ARF3: variants seen among roughly 807,000 people sequenced by gnomAD.
The protein encoded by ARF3 is ARF GTPase 3, also known as ADP-ribosylation factor 3.
In ARF3, 5 loss-of-function variants were observed where a neutral mutation model predicts 19.3. The observed-to-expected ratio is 0.26, with a 90% CI of 0.14 to 0.54. ARF3 has a LOEUF of 0.54. Among genes scored for constraint, ARF3 ranks in the 20% least tolerant of loss-of-function variants. ARF3 has a pLI of 0.95. For missense variants in ARF3, 77 were observed against 234.2 expected, an observed-to-expected ratio of 0.33 and a Z score of 4.38; for synonymous variants, 71 against 89.2, an observed-to-expected ratio of 0.80 and a Z score of 1.15.
At chr12:48,949,764 C>T (rs539482972) in intron 1 of ARF3, among the ~76,000 whole-genome samples, 16 of 152,038 alleles carry the variant, frequency 1.1e-4, no homozygotes, top group African/African-American at 3.4e-4. Flanking sequence ...AGGCTGGTCT[C>T]GAACTCCTGA....
At chr12:48,953,535 G>A (rs984081562) in intron 1 of ARF3, among the ~76,000 whole-genome samples, 3 of 152,086 alleles carry the variant, frequency 2.0e-5, no homozygotes, top group African/African-American at 4.8e-5. Flanking sequence ...GCTAATAAAG[G>A]AAGGATTATG....
At chr12:48,952,278 G>GC (rs1375194169) in intron 1 of ARF3, among the ~76,000 whole-genome samples, 1 of 152,108 alleles carries the variant, frequency 6.6e-6, no homozygotes, top group African/African-American at 2.4e-5. Flanking sequence ...GCCTGGGAAG[G>GC]GTCTGGCTTT....
rs376491978 is a variant in ARF3, at chr12:48,939,801, T to C, written c.260-22A>G. On this transcript the variant is annotated intron_variant, in intron 3 of 4. Coordinates refer to ENST00000256682, the MANE Select transcript of ARF3 (RefSeq NM_001659.3). The surrounding 1 kb of genome is among the most constrained non-coding windows in gnomAD (Gnocchi z 4.8). ...AACCCTAGGAAGGCAGAGCATGGGC[T>C]GCACTAAGATGACAGGTAACCCCCT... The C allele has an allele frequency of 4.3e-5, 69 of 1,613,424 alleles. No individual in the cohort carries two copies. The highest frequency in any genetic ancestry group is 5.2e-5 in the Non-Finnish European group (61 of 1,179,708).
chr12:48,951,640 A>C (rs1412672398), intron 1 of ARF3, among the ~76,000 whole-genome samples: 1 of 147,736 alleles, frequency 6.8e-6, no homozygotes. Context: ...AGCACATTGG[A>C]AGGCCAAGGC....
At chr12:48,949,119 A>G (rs1822829939) in intron 1 of ARF3, among the ~76,000 whole-genome samples, 1 of 152,264 alleles carries the variant, frequency 6.6e-6, no homozygotes, top group South Asian at 2.1e-4. Context: ...GAAGAGTAGA[A>G]TAATCAAAGA....
At chr12:48,956,960 AC>A (rs1165186816) in intron 1 of ARF3, 2 of 152,056 alleles carry the variant, frequency 1.3e-5, no homozygotes, top group Non-Finnish European at 2.9e-5. Flanking sequence ...AAAGATACAA[AC>A]AGCCATCACC....
chr12:48,939,063 C>A lies in ARF3; in HGVS notation c.430G>T (p.Gly144Cys). Residue 144 changes from glycine (G) to cysteine (C), a missense_variant, in exon 5 of 5, where the codon GGC (glycine) becomes TGC (cysteine). Physicochemically the swap from Gly to Cys is radical, Grantham distance 159. This residue lies in a region of ARF3 where 53 missense variants were observed against 121.2 expected (regional missense o/e 0.44). Coordinates refer to ENST00000256682, the MANE Select transcript of ARF3 (RefSeq NM_001659.3). This position sits in a 1 kb window ranked among gnomAD's most constrained non-coding sequence, Gnocchi z 4.8. ...MNAAEITDKLGLHSLRHRNWY... is the reference protein window; with the variant it reads ...MNAAEITDKLCLHSLRHRNWY... The stretch of plus-strand genomic sequence containing the variant: ...TTACGGTGACGAAGGGAATGCAGGC[C>A]CAGCTTGTCTGTGATCTCAGCAGCG... 1 of 1,614,062 alleles carries A rather than the reference C, an allele frequency of 6.2e-7. No individual in the cohort carries two copies. The highest frequency in any genetic ancestry group is 8.5e-7 in the Non-Finnish European group (1 of 1,180,020).
chr12:48,939,564 A>G lies in ARF3; in HGVS notation c.384+91T>C. On this transcript the variant is annotated intron_variant, in intron 4 of 4. Coordinates refer to ENST00000256682, the MANE Select transcript of ARF3 (RefSeq NM_001659.3). The surrounding 1 kb of genome is among the most constrained non-coding windows in gnomAD (Gnocchi z 4.8). ...ACGCTTCTAACATTGAGAGCATACT[A>G]AAAGGGTTAACCATATAATAGGCCC... The G allele has an allele frequency of 1.9e-6, 3 of 1,553,280 alleles. No homozygotes were observed. Among genetic ancestry groups the G allele is most frequent in the East Asian group, 4.5e-5 (2 of 44,270 alleles).
chr12:48,938,682 G>GA lies in ARF3; in HGVS notation c.*264_*265insT, dbSNP rs1940197771. 4.2e-6 allele frequency: 2 copies of GA among 481,376 alleles called. No homozygotes were observed. The allele number at this position is 481,376 out of a possible 1,614,324, so 29.8% of individuals were successfully genotyped here. On this transcript the variant is annotated 3_prime_UTR_variant, in exon 5 of 5. Coordinates refer to ENST00000256682, the MANE Select transcript of ARF3 (RefSeq NM_001659.3). The stretch of plus-strand genomic sequence containing the variant: ...AACCCAGAGGGTGAGAGAGAGAGGG[G>GA]CCACCCCATGAAACCGTAACAACTT...
At chr12:48,954,294 C>T (rs1821911499) in intron 1 of ARF3, among the ~76,000 whole-genome samples, 1 of 152,180 alleles carries the variant, frequency 6.6e-6, no homozygotes, top group Non-Finnish European at 1.5e-5. Context: ...TGCTCATAAG[C>T]CTACGACCAG....
chr12:48,951,823 G>A (rs1393587720), intron 1 of ARF3, among the ~76,000 whole-genome samples: 2 of 151,632 alleles, frequency 1.3e-5, no homozygotes, highest in Non-Finnish European at 2.9e-5. Flanking sequence ...AGGCTGCTGT[G>A]AGCCAAGATC....
chr12:48,943,052 A>G (rs2137581452), intron 1 of ARF3, among the ~76,000 whole-genome samples: 1 of 152,360 alleles, frequency 6.6e-6, no homozygotes, highest in East Asian at 1.9e-4. Context: ...GGTTGCAGTG[A>G]GCCGAGATCA....
At chr12:48,955,316 T>A (rs1940543424) in intron 1 of ARF3, among the ~76,000 whole-genome samples, 1 of 152,178 alleles carries the variant, frequency 6.6e-6, no homozygotes, top group South Asian at 2.1e-4. Context: ...CATATACATA[T>A]ATTGGTCCCT....
intron 1 of ARF3, among the ~76,000 whole-genome samples, chr12:48,950,635 CA>C (rs1192994605): frequency 3.3e-5 from 5 of 152,124 alleles, no homozygotes; most frequent in African/African-American, 1.2e-4. Context: ...TTAATCTTCC[CA>C]AACTGAAACT....
chr12:48,943,914 C>G (rs1707386640), intron 1 of ARF3, among the ~76,000 whole-genome samples: 2 of 152,220 alleles, frequency 1.3e-5, no homozygotes, highest in Non-Finnish European at 2.9e-5. Context: ...CCTCCCTACT[C>G]TTCCTGCCTC....
At chr12:48,942,924 T>C (rs1381822398) in intron 1 of ARF3, among the ~76,000 whole-genome samples, 2 of 152,110 alleles carry the variant, frequency 1.3e-5, no homozygotes, top group Admixed American at 6.5e-5. Flanking sequence ...CTAGCCAACA[T>C]GGTAAAACCC....
chr12:48,940,111 T>C lies in ARF3; in HGVS notation c.149-4A>G. ...TCCACTGTCTCCACATTGAACCCTT[T>C]GGAAAAAAAACAGGCAATGGCCACT... On this transcript the variant is annotated splice_region_variant and splice_polypyrimidine_tract_variant and intron_variant, in intron 2 of 4. Transcript: ENST00000256682. 6.3e-7 allele frequency: 1 copy of C among 1,591,248 alleles called. No individual in the cohort carries two copies. Among genetic ancestry groups the C allele is most frequent in the South Asian group, 1.1e-5 (1 of 90,642 alleles).
At position 48,938,845 on chromosome 12, in the gene ARF3, G is replaced by A; in HGVS notation, c.*102C>T. 6.9e-7 allele frequency: 1 copy of A among 1,458,260 alleles called. No homozygotes were observed. The highest frequency in any genetic ancestry group is 2.1e-5 in the Admixed American group (1 of 47,336). The allele number at this position is 1,458,260 out of a possible 1,614,324, so 90.3% of individuals were successfully genotyped here. A position where few individuals can be genotyped will look rare whatever the true frequency, so the allele number is the denominator to read the frequency against. ...TGGGCATGTGGACATGATACCCAGG[G>A]CCCTGGCCACACTTGCATGGAGAGG... On this transcript the variant is annotated 3_prime_UTR_variant, in exon 5 of 5. Coordinates refer to ENST00000256682, the MANE Select transcript of ARF3 (RefSeq NM_001659.3).
chr12:48,955,011 T>C (rs1045769085), intron 1 of ARF3, among the ~76,000 whole-genome samples: 3 of 152,126 alleles, frequency 2.0e-5, no homozygotes, highest in African/African-American at 7.2e-5. Context: ...AATAAAGGTA[T>C]ATAGGGAAGC....
Sources: allele counts gnomAD v4.1 joint callset (sites outside exome capture counted in the v4.1 genomes callset), GRCh38; gene constraint gnomAD v4.1.1; regional missense constraint gnomAD v4.1.1; non-coding constraint Gnocchi (gnomAD v3.1); transcripts MANE v1.5; gene names NCBI Gene and HGNC (gene_info 2026-07-23, HGNC 2026-07-21).